EHBP1: variants seen among roughly 807,000 people sequenced by gnomAD.
The protein encoded by EHBP1 is EH domain-binding protein 1.
In EHBP1, 55 loss-of-function variants were observed where a neutral mutation model predicts 144.0. That is an observed-to-expected ratio of 0.38 (90% confidence interval 0.31 to 0.48). The LOEUF (loss-of-function observed/expected upper bound fraction) is 0.48, where lower values mean the gene tolerates loss of function less well. Ranked by LOEUF, EHBP1 falls within the 20% of genes least tolerant of loss-of-function variation. EHBP1 has a pLI of 0.98. For synonymous variants in EHBP1, 469 were observed against 472.7 expected (o/e 0.99, Z 0.10); for missense variants, 1,200 against 1,364.2 (o/e 0.88, Z 1.90).
At chr2:62,910,118 C>T (rs912574806) in intron 10 of EHBP1, among the ~76,000 whole-genome samples, 1 of 152,084 alleles carries the variant, frequency 6.6e-6, no homozygotes, top group African/African-American at 2.4e-5. Flanking sequence ...TGATGGCCAG[C>T]ATATTTGGGA....
At chr2:62,873,090 G>T (rs1048107748) in intron 9 of EHBP1, among the ~76,000 whole-genome samples, 1 of 152,082 alleles carries the variant, frequency 6.6e-6, no homozygotes, top group Non-Finnish European at 1.5e-5. Context: ...CTGAAGAGAG[G>T]CACTCTTAAC....
intron 4 of EHBP1, among the ~76,000 whole-genome samples, chr2:62,768,380 A>G (rs1387963427): frequency 6.6e-6 from 1 of 152,230 alleles, no homozygotes; most frequent in Non-Finnish European, 1.5e-5. Flanking sequence ...AGAAACTACT[A>G]TGAACACCTC....
At position 62,942,780 on chromosome 2, in the gene EHBP1, A is replaced by G. The variant is rs147612438; in HGVS notation, c.1248A>G (p.Val416=). Reference sequence around the variant, plus strand: ...CAAATGCTAGTCAGTCTTTGCTTGTATGGTGTAAAGAAGTTACAAAGAACT... The same window carrying G: ...CAAATGCTAGTCAGTCTTTGCTTGTGTGGTGTAAAGAAGTTACAAAGAACT... The part of the protein sequence containing the change: ...RKPNASQSLL[V]WCKEVTKNYR... The change falls in exon 11 of 23, where the codon GTA becomes GTG. Residue 416 remains valine, a synonymous_variant. Coordinates refer to ENST00000431489, the MANE Select transcript of EHBP1 (RefSeq NM_001142616.3). 6.1e-5 allele frequency: 99 copies of G among 1,613,592 alleles called. No homozygotes were observed. The highest frequency in any genetic ancestry group is 1.3e-4 in the Admixed American group (8 of 59,986).
chr2:62,775,540 G>T (rs1355534261), intron 5 of EHBP1, among the ~76,000 whole-genome samples: 1 of 152,122 alleles, frequency 6.6e-6, no homozygotes. Flanking sequence ...AGTTAATAAA[G>T]AAATGTTGAG....
chr2:62,823,810 A>G (rs950685029), intron 5 of EHBP1, among the ~76,000 whole-genome samples: 9 of 152,044 alleles, frequency 5.9e-5, no homozygotes, highest in African/African-American at 2.2e-4. Flanking sequence ...GAGACATTAT[A>G]TCAAGGACAT....
At chr2:62,957,640 GCT>G (rs2057768723) in intron 14 of EHBP1, among the ~76,000 whole-genome samples, 1 of 69,702 alleles carries the variant, frequency 1.4e-5, no homozygotes, top group African/African-American at 7.3e-5. Context: ...GAAAATAAAT[GCT>G]TTTTTTTTTT....
chr2:62,937,221 A>G (rs1184827419), intron 10 of EHBP1, among the ~76,000 whole-genome samples: 1 of 152,240 alleles, frequency 6.6e-6, no homozygotes, highest in Non-Finnish European at 1.5e-5. Flanking sequence ...GAAGTGCTAC[A>G]GCAGTATTTT....
Position 62,803,592 on chromosome 2 carries a change from A to G in EHBP1, c.313-22495A>G, listed in dbSNP as rs536864481. On this transcript the variant is annotated intron_variant, in intron 5 of 22. Coordinates refer to ENST00000431489, the MANE Select transcript of EHBP1 (RefSeq NM_001142616.3). ...CTTGTTATATGTTTATTAGCCATGC[A>G]TGTTTTTCTGTGAATTGTTCATGCC... 3.3e-5 allele frequency among the ~76,000 whole-genome samples: 5 copies of G among 152,306 alleles called. No homozygotes were observed. In the South Asian group the frequency reaches 6.2e-4, roughly 19 times the overall value.
At chr2:62,954,394 T>G (rs1295161328) in intron 13 of EHBP1, among the ~76,000 whole-genome samples, 1 of 152,228 alleles carries the variant, frequency 6.6e-6, no homozygotes, top group Non-Finnish European at 1.5e-5. Context: ...CGTTATCACT[T>G]ATACATTTTA....
At chr2:62,729,415 TA>T (rs2037199391) in intron 2 of EHBP1, among the ~76,000 whole-genome samples, 2 of 107,832 alleles carry the variant, frequency 1.9e-5, no homozygotes, top group South Asian at 2.5e-4. Context: ...AATATAATAA[TA>T]ATAATATAAT....
intron 12 of EHBP1, 148 bp from the exon 13 acceptor site, chr2:62,948,112 A>G: frequency 2.0e-6 from 1 of 511,584 alleles, no homozygotes; most frequent in Non-Finnish European, 3.1e-6. Flanking sequence ...ACTTTTACAC[A>G]TGTCTGACTT....
intron 10 of EHBP1, among the ~76,000 whole-genome samples, chr2:62,930,189 A>C (rs1160091171): frequency 6.6e-6 from 1 of 152,196 alleles, no homozygotes; most frequent in Non-Finnish European, 1.5e-5. Flanking sequence ...TCAAGGCTGC[A>C]GTGAGTTGTG....
Position 62,948,678 on chromosome 2 carries a change from G to C in EHBP1, c.1832G>C (p.Arg611Thr), listed in dbSNP as rs544631255. The C allele has an allele frequency of 6.2e-7, 1 of 1,613,956 alleles. No individual in the cohort carries two copies. Among genetic ancestry groups the C allele is most frequent in the South Asian group, 1.1e-5 (1 of 91,068 alleles). The change falls in exon 13 of 23, where the codon AGG (arginine) becomes ACG (threonine). Residue 611 changes from arginine to threonine, a missense_variant. By Grantham distance (71) the Arg-to-Thr change is moderately conservative. Coordinates refer to ENST00000431489, the MANE Select transcript of EHBP1 (RefSeq NM_001142616.3). ...AGCACAGCCTCCCCTTACTGTCGCA[G>C]GACTAAAAGTGACACAGAACCCCAG... ...SPSTASPYCR[R>T]TKSDTEPQKS...
chr2:62,858,768 C>G (rs543624942), intron 7 of EHBP1, among the ~76,000 whole-genome samples: 2 of 152,270 alleles, frequency 1.3e-5, no homozygotes, highest in Admixed American at 1.3e-4. Context: ...CAACATGCTA[C>G]TTCTTCAGTG....
At chr2:62,957,803 G>A (rs1457471962) in intron 14 of EHBP1, among the ~76,000 whole-genome samples, 1 of 151,744 alleles carries the variant, frequency 6.6e-6, no homozygotes, top group Non-Finnish European at 1.5e-5. Flanking sequence ...CCACCACCAT[G>A]CCTGGCTAAT....
chr2:62,948,862 G>A lies in EHBP1; in HGVS notation c.2016G>A (p.Lys672=), dbSNP rs1050910537. The A allele has an allele frequency of 5.0e-6, 8 of 1,613,906 alleles. No homozygotes were observed. The highest frequency in any genetic ancestry group is 1.3e-5 in the African/African-American group (1 of 74,900). The change falls in exon 13 of 23, where the codon AAG becomes AAA. Residue 672 remains lysine (K), a synonymous_variant. Coordinates refer to ENST00000431489, the MANE Select transcript of EHBP1 (RefSeq NM_001142616.3). The part of the protein sequence containing the change: ...LSDLYVSDKK[K]DMSPPFICEE... The stretch of plus-strand genomic sequence containing the variant: ...ACTTATATGTTAGTGATAAGAAGAA[G>A]GATATGTCTCCACCCTTTATTTGTG...
chr2:62,786,681 C>G lies in EHBP1; in HGVS notation c.312+15289C>G, dbSNP rs2042827630. 2.0e-5 allele frequency among the ~76,000 whole-genome samples: 3 copies of G among 152,184 alleles called. No individual in the cohort carries two copies. In the South Asian group the frequency reaches 6.2e-4, roughly 32 times the overall value. Reference sequence around the variant, plus strand: ...AGTTAGCTTTTATGATTTAATTTTTCACATCTTGTTTAATTTCTGAACTTG... The same window carrying G: ...AGTTAGCTTTTATGATTTAATTTTTGACATCTTGTTTAATTTCTGAACTTG... On this transcript the variant is annotated intron_variant, in intron 5 of 22. Transcript: ENST00000431489.
At chr2:62,904,808 G>A (rs1199565346) in intron 10 of EHBP1, among the ~76,000 whole-genome samples, 1 of 152,144 alleles carries the variant, frequency 6.6e-6, no homozygotes, top group Non-Finnish European at 1.5e-5. Context: ...GGGGGATGGA[G>A]TCTCTCTCTG....
intron 8 of EHBP1, among the ~76,000 whole-genome samples, chr2:62,860,394 G>C (rs561063072): frequency 6.6e-6 from 1 of 152,246 alleles, no homozygotes; most frequent in South Asian, 2.1e-4. Flanking sequence ...GAGAGGCTGA[G>C]GCAGGAGAAT....
Sources: allele counts gnomAD v4.1 joint callset (sites outside exome capture counted in the v4.1 genomes callset), GRCh38; gene constraint gnomAD v4.1.1; transcripts MANE v1.5; gene names NCBI Gene and HGNC (gene_info 2026-07-23, HGNC 2026-07-21).